The following SORCS3 variants were observed in gnomAD, a reference collection of about 807,000 sequenced individuals.
The protein encoded by SORCS3 is VPS10 domain-containing receptor SorCS3.
A neutral mutation model predicts 146.3 loss-of-function variants in SORCS3; 57 were observed. The ratio of observed to expected loss-of-function variants is 0.39; its 90% CI spans 0.31 to 0.49. The LOEUF (loss-of-function observed/expected upper bound fraction) is 0.49, where lower values mean the gene tolerates loss of function less well. SORCS3 is among the 20% of genes least tolerant of loss of function. SORCS3 has a pLI of 0.92. For missense variants in SORCS3, 1,341 were observed against 1,575.5 expected (o/e 0.85, Z 2.52); for synonymous variants, 653 against 618.5 (o/e 1.06, Z -0.83).
chr10:104,807,666 C>T (rs762788889), intron 1 of SORCS3, among the ~76,000 whole-genome samples: 6 of 152,036 alleles, frequency 3.9e-5, no homozygotes, highest in South Asian at 4.2e-4. Flanking sequence ...TTTTTTGAAA[C>T]GTGAGGCTGA....
chr10:105,133,592 A>T (rs562510329), intron 7 of SORCS3, among the ~76,000 whole-genome samples: 2 of 152,308 alleles, frequency 1.3e-5, no homozygotes, highest in African/African-American at 4.8e-5. Context: ...GATAGTTATT[A>T]TTACTCTTAG....
At chr10:104,744,687 G>A (rs982099927) in intron 1 of SORCS3, among the ~76,000 whole-genome samples, 1 of 152,186 alleles carries the variant, frequency 6.6e-6, no homozygotes, top group Non-Finnish European at 1.5e-5. Context: ...ACTGATGCTA[G>A]GTTTGCAGAA....
At chr10:105,235,782 C>T (rs1422730100) in intron 20 of SORCS3, among the ~76,000 whole-genome samples, 1 of 151,962 alleles carries the variant, frequency 6.6e-6, no homozygotes, top group African/African-American at 2.4e-5. Context: ...GTTTCTAGAA[C>T]TGCTACTTCT....
At chr10:105,205,026 A>C (rs2056594410) in intron 16 of SORCS3, among the ~76,000 whole-genome samples, 1 of 152,176 alleles carries the variant, frequency 6.6e-6, no homozygotes, top group South Asian at 2.1e-4. Flanking sequence ...AGGCATCTGA[A>C]ATACCCAGTA....
intron 7 of SORCS3, among the ~76,000 whole-genome samples, chr10:105,118,762 C>T (rs2055910823): frequency 6.6e-6 from 1 of 152,082 alleles, no homozygotes; most frequent in African/African-American, 2.4e-5. Flanking sequence ...TGGGTTTTTG[C>T]CCTTGCCCTG....
rs571287134 is a variant in SORCS3 at position 104,821,579 on chromosome 10, G to A, written c.628-21213G>A. On this transcript the variant is annotated intron_variant, in intron 1 of 26. Coordinates refer to ENST00000369701, the MANE Select transcript of SORCS3 (RefSeq NM_014978.3). ...GACCAAAGCATTCAGCAATTTCAAA[G>A]CACATGGCTCCTTTTTGGTGTCTTA... Among the ~76,000 whole-genome samples, 23 of 152,312 alleles carry A rather than the reference G, an allele frequency of 1.5e-4. No individual in the cohort carries two copies. The South Asian group carries it at 4.6e-3, about 30-fold the overall frequency.
At chr10:104,643,559 G>A (rs2015454238) in intron 1 of SORCS3, among the ~76,000 whole-genome samples, 6 of 152,196 alleles carry the variant, frequency 3.9e-5, no homozygotes. Context: ...GACAATGTGT[G>A]CCTTTGCAGG....
chr10:104,984,772 G>A (rs1415479470), intron 4 of SORCS3, among the ~76,000 whole-genome samples: 1 of 152,072 alleles, frequency 6.6e-6, no homozygotes, highest in African/African-American at 2.4e-5. Flanking sequence ...AATATAGCAA[G>A]TCATGTGAAC....
At chr10:104,729,780 G>T (rs1156306046) in intron 1 of SORCS3, among the ~76,000 whole-genome samples, 1 of 152,202 alleles carries the variant, frequency 6.6e-6, no homozygotes, top group Non-Finnish European at 1.5e-5. Flanking sequence ...TACCACGCCT[G>T]TCAGGAGGTG....
intron 1 of SORCS3, among the ~76,000 whole-genome samples, chr10:104,743,128 A>T (rs936438649): frequency 6.6e-6 from 1 of 152,142 alleles, no homozygotes; most frequent in Non-Finnish European, 1.5e-5. Context: ...AAAATGCACT[A>T]TACAAGTGAG....
rs1256132244 is a variant in SORCS3 at position 105,247,211 on chromosome 10, C to T, written c.2993-8C>T. 2 of 1,512,872 alleles carry T rather than the reference C, an allele frequency of 1.3e-6. No individual in the cohort carries two copies. The highest frequency in any genetic ancestry group is 2.7e-5 in the African/African-American group (2 of 72,800). The allele number at this position is 1,512,872 out of a possible 1,614,324, so 93.7% of individuals were successfully genotyped here. ...CCAGCCTCACTTAAACATTCTCTCTCCCTGCAGAATATTTCCAGTCCCAGC... is the reference window on the plus strand; with the variant it reads ...CCAGCCTCACTTAAACATTCTCTCTTCCTGCAGAATATTTCCAGTCCCAGC... On this transcript the variant is annotated splice_polypyrimidine_tract_variant and splice_region_variant and intron_variant, in intron 21 of 26. Transcript: ENST00000369701.
At chr10:104,971,750 A>G (rs1019631226) in intron 3 of SORCS3, among the ~76,000 whole-genome samples, 4 of 152,170 alleles carry the variant, frequency 2.6e-5, no homozygotes, top group Non-Finnish European at 5.9e-5. Flanking sequence ...AGAAAGTCAA[A>G]ATGGAGGGTT....
At chr10:105,253,202 C>CAG (rs34171763) in intron 23 of SORCS3, among the ~76,000 whole-genome samples, 29,760 of 149,876 alleles carry the variant, frequency 0.2, 3,148 homozygotes, top group South Asian at 0.27. Flanking sequence ...AGGGGAGCAG[C>CAG]AGAGAGAGAG....
chr10:104,923,808 C>A (rs2019111386), intron 3 of SORCS3, among the ~76,000 whole-genome samples: 1 of 152,148 alleles, frequency 6.6e-6, no homozygotes, highest in Admixed American at 6.5e-5. Context: ...TGTTAAGGAG[C>A]AAAGAAGTCT....
rs67886313 is a variant in SORCS3 at position 105,163,883 on chromosome 10, T to TACAC, written c.1733-385_1733-382dup. ...ACACACAGACACACAGTTACGCACA[T>TACAC]ACACACACACACACACACACACACA... On this transcript the variant is annotated intron_variant, in intron 11 of 26. Transcript: ENST00000369701. 7.3e-3 allele frequency among the ~76,000 whole-genome samples: 1,016 copies of TACAC among 138,700 alleles called. 6 individuals carry two copies. Among genetic ancestry groups the TACAC allele is most frequent in the East Asian group, 0.012 (54 of 4,570 alleles). 91.0% of individuals were successfully genotyped at this position (138,700 alleles called of 152,430 possible).
chr10:105,178,597 A>G (rs1305689438), intron 14 of SORCS3, among the ~76,000 whole-genome samples: 1 of 150,556 alleles, frequency 6.6e-6, no homozygotes, highest in Non-Finnish European at 1.5e-5. Flanking sequence ...TCTCTCTCTC[A>G]TAGACACACA....
intron 16 of SORCS3, among the ~76,000 whole-genome samples, chr10:105,207,481 T>A (rs1357377452): frequency 6.6e-6 from 1 of 152,100 alleles, no homozygotes; most frequent in Non-Finnish European, 1.5e-5. Context: ...GTTTGCAGAA[T>A]CCGCAGCAGT....
chr10:105,160,295 T>G (rs992374476), intron 11 of SORCS3, among the ~76,000 whole-genome samples: 2 of 152,190 alleles, frequency 1.3e-5, no homozygotes, highest in Admixed American at 6.5e-5. Context: ...ACCAAAATAA[T>G]AGAATTGCAG....
chr10:104,993,255 T>C (rs2055005201), intron 4 of SORCS3, among the ~76,000 whole-genome samples: 2 of 152,216 alleles, frequency 1.3e-5, no homozygotes. Context: ...TGGTTGGCGC[T>C]GTTGCCGAGG....
Sources: gnomAD v4.1 joint callset for allele counts (sites outside exome capture counted in the v4.1 genomes callset) on GRCh38, gnomAD v4.1.1 for gene constraint, MANE v1.5 for transcripts, NCBI Gene and HGNC (gene_info 2026-07-23, HGNC 2026-07-21) for gene names.